AATK: variants seen among roughly 807,000 people sequenced by gnomAD.
AATK encodes lemur tail kinase 1.
In AATK, 91 loss-of-function variants were observed where a neutral mutation model predicts 114.3. The ratio of observed to expected loss-of-function variants is 0.80; its 90% CI spans 0.67 to 0.95. The LOEUF (loss-of-function observed/expected upper bound fraction) is 0.95, where lower values mean the gene tolerates loss of function less well. Ranked by LOEUF, AATK falls within the 40% of genes least tolerant of loss-of-function variation. AATK has a pLI of 0.00. For missense variants in AATK, 2,176 were observed against 1,965.2 expected (o/e 1.11, Z -2.03); for synonymous variants, 1,075 against 916.5 (o/e 1.17, Z -3.12).
At chr17:81,148,887 G>A (rs1198083514) in intron 1 of AATK, among the ~76,000 whole-genome samples, 2 of 146,132 alleles carry the variant, frequency 1.4e-5, no homozygotes, top group African/African-American at 5.0e-5. Flanking sequence ...AGTGTCCAAG[G>A]AGCAGATGAC....
At chr17:81,145,986 G>C (rs8076650) in intron 1 of AATK, among the ~76,000 whole-genome samples, 2 of 151,406 alleles carry the variant, frequency 1.3e-5, no homozygotes, top group African/African-American at 4.9e-5. Flanking sequence ...TGAGGAGTTC[G>C]AGACCAGCCT....
rs575456636 is a variant in AATK, at chr17:81,163,234, G to A, written c.55+2704C>T. Among the ~76,000 whole-genome samples, 276 of 152,290 alleles carry A rather than the reference G, an allele frequency of 1.8e-3. 1 individual carries two copies. The highest frequency in any genetic ancestry group is 6.1e-3 in the African/African-American group (255 of 41,566). On this transcript the variant is annotated intron_variant, in intron 1 of 13. Coordinates refer to ENST00000326724, the MANE Select transcript of AATK (RefSeq NM_001080395.3). ...AGCTCCAGGCCCCAGGGCTCAGGAC[G>A]ACTAGAAATCATGACGCCCTGAGGC...
Position 81,122,473 on chromosome 17 carries a change from T to C in AATK, c.1463A>G (p.Glu488Gly). The C allele has an allele frequency of 1.4e-6, 2 of 1,453,838 alleles. No homozygotes were observed. Among genetic ancestry groups the C allele is most frequent in the East Asian group, 3.1e-5 (1 of 32,028 alleles). 90.1% of individuals were successfully genotyped at this position (1,453,838 alleles called of 1,614,324 possible). ...AGGGCTCAGCGTGGCCGGGAAGGCC[T>C]CCGCGCCGCGGCCCGCCTCCCACTT... ...EYKWEAGRGA[E>G]AFPATLSPGR... Residue 488 changes from glutamate (E) to glycine (G), a missense_variant, in exon 11 of 14, where the codon GAG becomes GGG. By Grantham distance (98) the Glu-to-Gly change is moderately conservative. This residue lies in a region of AATK where 1,701 missense variants were observed against 1,394.7 expected (regional missense o/e 1.22). Coordinates refer to ENST00000326724, the MANE Select transcript of AATK (RefSeq NM_001080395.3).
In AATK at chr17:81,119,951, A is replaced by G. The variant is rs1016838331; in HGVS notation, c.3868T>C (p.Ser1290Pro). 72 of 1,444,436 alleles carry G rather than the reference A, an allele frequency of 5.0e-5. No homozygotes were observed. The highest frequency in any genetic ancestry group is 6.4e-5 in the Non-Finnish European group (70 of 1,100,898). The allele number at this position is 1,444,436 out of a possible 1,614,324, so 89.5% of individuals were successfully genotyped here. A position where few individuals can be genotyped will look rare whatever the true frequency, so the allele number is the denominator to read the frequency against. The change falls in exon 12 of 14, where the codon TCC becomes CCC. Residue 1290 changes from serine (S) to proline (P), a missense_variant. Coordinates refer to ENST00000326724, the MANE Select transcript of AATK (RefSeq NM_001080395.3). ...PQQADGSPNGSTAEEGGGFAW... is the reference protein window; with the variant it reads ...PQQADGSPNGPTAEEGGGFAW... ...CCCTGCTCACCCTCTTCCGCTGTGG[A>G]GCCATTTGGGGAGCCATCAGCCTGC...
intron 1 of AATK, among the ~76,000 whole-genome samples, chr17:81,164,626 G>T (rs564153826): frequency 4.8e-4 from 73 of 152,366 alleles, no homozygotes; most frequent in African/African-American, 1.7e-3. Context: ...CAGGGTATGG[G>T]CCGAGGGTCC....
At chr17:81,152,388 C>G (rs1379209064) in intron 1 of AATK, among the ~76,000 whole-genome samples, 3 of 152,146 alleles carry the variant, frequency 2.0e-5, no homozygotes, top group Non-Finnish European at 4.4e-5. Context: ...GAGTTTGTCA[C>G]CCACCTGGAC....
At chr17:81,140,922 G>A (rs55658169) in intron 1 of AATK, among the ~76,000 whole-genome samples, 2 of 96,422 alleles carry the variant, frequency 2.1e-5, no homozygotes, top group African/African-American at 7.9e-5. Context: ...TGGGGCCGTG[G>A]GACCGTGGGA....
Position 81,126,470 on chromosome 17 carries a change from C to T in AATK, c.712G>A (p.Ala238Thr), listed in dbSNP as rs965682768. 6.4e-7 allele frequency: 1 copy of T among 1,558,234 alleles called. No homozygotes were observed. The highest frequency in any genetic ancestry group is 1.4e-5 in the African/African-American group (1 of 73,486). ...RTLQRMACEV[A>T]CGVLHLHRNN... is the part of the protein sequence containing the mutation. ...CGATGAAGGTGCAGGACGCCACAGG[C>T]CACCTCACAGGCCATGCGCTGCAGG... The change falls in exon 7 of 14, where the codon GCC (alanine) becomes ACC (threonine). Residue 238 changes from alanine (A) to threonine (T), a missense_variant. Physicochemically the swap from Ala to Thr is moderately conservative, Grantham distance 58 (BLOSUM62 0). Transcript: ENST00000326724. This position sits in a 1 kb window ranked among gnomAD's most constrained non-coding sequence, Gnocchi z 5.1.
chr17:81,128,709 G>T, intron 3 of AATK, 160 bp from the exon 4 acceptor site: 1 of 1,449,020 alleles, frequency 6.9e-7, no homozygotes, highest in Non-Finnish European at 9.1e-7. Flanking sequence ...AGGAGCCAGG[G>T]TCTCTTGAGA....
chr17:81,162,839 G>T (rs2061441916), intron 1 of AATK, among the ~76,000 whole-genome samples: 2 of 152,114 alleles, frequency 1.3e-5, no homozygotes, highest in Non-Finnish European at 2.9e-5. Context: ...GCGGGGGTTG[G>T]GGGGTGGCAA....
intron 1 of AATK, among the ~76,000 whole-genome samples, chr17:81,144,527 GC>G (rs1567822047): frequency 6.6e-6 from 1 of 152,238 alleles, no homozygotes; most frequent in African/African-American, 2.4e-5. Context: ...GGGCAAGGGG[GC>G]CGGGCAGGGG....
At chr17:81,119,272 G>A (rs1318555945) in intron 13 of AATK, 108 bp downstream of exon 13, 59 of 1,113,552 alleles carry the variant, frequency 5.3e-5, no homozygotes, top group Admixed American at 1.6e-4. Context: ...GGAGCGGAGC[G>A]GAGCCGGGGC....
chr17:81,165,090 G>C (rs897250541), intron 1 of AATK, among the ~76,000 whole-genome samples: 9 of 152,366 alleles, frequency 5.9e-5, no homozygotes, highest in Admixed American at 3.9e-4. Context: ...GTGGGACTTG[G>C]CCCTGGGGCC....
chr17:81,126,666 G>A lies in AATK; in HGVS notation c.622-106C>T. ...CCTCCACCCCTACCCACAGCTGAGG[G>A]ACAGCAGCTGCCCAGAGCAGCCTCG... is the stretch of plus-strand genomic sequence containing the variant. On this transcript the variant is annotated intron_variant, in intron 6 of 13. Coordinates refer to ENST00000326724, the MANE Select transcript of AATK (RefSeq NM_001080395.3). The surrounding 1 kb of genome is among the most constrained non-coding windows in gnomAD (Gnocchi z 5.1). 6.8e-7 allele frequency: 1 copy of A among 1,460,392 alleles called. No homozygotes were observed. Among genetic ancestry groups the A allele is most frequent in the Non-Finnish European group, 9.1e-7 (1 of 1,102,542 alleles). The allele number at this position is 1,460,392 out of a possible 1,614,324, so 90.5% of individuals were successfully genotyped here. A position where few individuals can be genotyped will look rare whatever the true frequency, so the allele number is the denominator to read the frequency against.
rs753429015 is a variant in AATK, at chr17:81,121,453, G to C, written c.2483C>G (p.Thr828Arg). Reference protein sequence around the residue: ...DAPDALPDSPTPATGGEVSAI... With the variant: ...DAPDALPDSPRPATGGEVSAI... ...AGACACCTCGCCACCAGTAGCAGGC[G>C]TGGGAGAGTCAGGCAGGGCATCAGG... is the stretch of plus-strand genomic sequence containing the variant. Residue 828 changes from threonine (T) to arginine (R), a missense_variant, in exon 11 of 14, where the codon ACG becomes AGG. Physicochemically the swap from Thr to Arg is moderately conservative, Grantham distance 71. Around this residue, in one of 4 missense-constraint regions of AATK, gnomAD observed 1,701 missense variants for 1,394.7 expected, o/e 1.22. Transcript: ENST00000326724. 1 of 1,592,730 alleles carries C rather than the reference G, an allele frequency of 6.3e-7. No individual in the cohort carries two copies. Among genetic ancestry groups the C allele is most frequent in the Admixed American group, 1.7e-5 (1 of 57,884 alleles).
In AATK at chr17:81,127,717, G is replaced by C. The variant is rs2060865405; in HGVS notation, c.534-47C>G. The C allele has an allele frequency of 1.4e-5, 22 of 1,542,052 alleles. 1 individual carries two copies. In the South Asian group the frequency reaches 2.5e-4, roughly 18 times the overall value. On this transcript the variant is annotated intron_variant, in intron 5 of 13. Coordinates refer to ENST00000326724, the MANE Select transcript of AATK (RefSeq NM_001080395.3). ...CCCTGACTTGGGAGGAGGTGGGGAGGGGGAGTCGGGCCGAGCAGGGGAGGG... is the reference window on the plus strand; with the variant it reads ...CCCTGACTTGGGAGGAGGTGGGGAGCGGGAGTCGGGCCGAGCAGGGGAGGG...
intron 1 of AATK, among the ~76,000 whole-genome samples, chr17:81,161,759 A>G: frequency 6.6e-6 from 1 of 152,178 alleles, no homozygotes. Context: ...AGCCCACGCC[A>G]GAACTCTCCC....
Position 81,120,832 on chromosome 17 carries a change from T to C in AATK, c.3104A>G (p.Glu1035Gly), listed in dbSNP as rs1269823848. 1 of 1,578,268 alleles carries C rather than the reference T, an allele frequency of 6.3e-7. No homozygotes were observed. The highest frequency in any genetic ancestry group is 1.2e-5 in the South Asian group (1 of 86,588). The change falls in exon 11 of 14, where the codon GAG (glutamate) becomes GGG (glycine). Residue 1035 changes from glutamate to glycine, a missense_variant. By Grantham distance (98) the Glu-to-Gly change is moderately conservative. This residue lies in a region of AATK where 1,701 missense variants were observed against 1,394.7 expected (regional missense o/e 1.22). Coordinates refer to ENST00000326724, the MANE Select transcript of AATK (RefSeq NM_001080395.3). ...LGLPSTGQPS[E>G]QVCLRPGVSG... ...AACCCCAGGCCTGAGACAGACCTGC[T>C]CAGACGGCTGCCCAGTGCTCGGCAG...
chr17:81,135,491 G>C (rs34553859), intron 1 of AATK, among the ~76,000 whole-genome samples: 1 of 152,098 alleles, frequency 6.6e-6, no homozygotes, highest in Non-Finnish European at 1.5e-5. Context: ...AGTGCCTTTT[G>C]CCACTGAGCA....
Sources: gnomAD v4.1 joint callset for allele counts (sites outside exome capture counted in the v4.1 genomes callset) on GRCh38, gnomAD v4.1.1 for gene constraint, gnomAD v4.1.1 regional missense constraint, Gnocchi (gnomAD v3.1) non-coding constraint, MANE v1.5 for transcripts, NCBI Gene and HGNC (gene_info 2026-07-23, HGNC 2026-07-21) for gene names.